Variants in ZHX3 observed in about 807,000 individuals in gnomAD.
The protein encoded by ZHX3 is zinc fingers and homeoboxes protein 3.
A neutral mutation model predicts 64.5 loss-of-function variants in ZHX3; 20 were observed. That is an observed-to-expected ratio of 0.31 (90% confidence interval 0.22 to 0.45). The LOEUF (loss-of-function observed/expected upper bound fraction) is 0.45. Among genes scored for constraint, ZHX3 ranks in the 20% least tolerant of loss-of-function variants. The pLI is 1.00. For missense variants in ZHX3, 1,041 were observed against 1,195.8 expected (o/e 0.87, Z 1.91); for synonymous variants, 423 against 461.6 (o/e 0.92, Z 1.07).
chr20:41,274,878 A>G (rs1223903657), intron 1 of ZHX3, among the ~76,000 whole-genome samples: 1 of 103,322 alleles, frequency 9.7e-6, no homozygotes, highest in Non-Finnish European at 1.8e-5. Context: ...AAACTGGGCC[A>G]GGTGCGGTGG....
rs760114664 is a variant in ZHX3, at chr20:41,203,751, G to A, written c.1166C>T (p.Thr389Met). 5 of 1,614,192 alleles carry A rather than the reference G, an allele frequency of 3.1e-6. No individual in the cohort carries two copies. Among genetic ancestry groups the A allele is most frequent in the Admixed American group, 1.7e-5 (1 of 60,016 alleles). The change falls in exon 3 of 4, where the codon ACG becomes ATG. Residue 389 changes from threonine (T) to methionine (M), a missense_variant. Physicochemically the swap from Thr to Met is moderately conservative, Grantham distance 81 (BLOSUM62 -1). Around this residue, in one of 4 missense-constraint regions of ZHX3, gnomAD observed 649 missense variants for 739.8 expected, o/e 0.88. Transcript: ENST00000683867. The surrounding 1 kb of genome is among the most constrained non-coding windows in gnomAD (Gnocchi z 7.1). ...VIQSVPQPTI[T>M]VLNTPLVASA... The stretch of plus-strand genomic sequence containing the variant: ...GGCGACGAGTGGGGTATTTAGAACC[G>A]TAATTGTGGGCTGAGGCACAGACTG...
chr20:41,222,062 G>T (rs1296313128), intron 2 of ZHX3, among the ~76,000 whole-genome samples: 1 of 152,240 alleles, frequency 6.6e-6, no homozygotes, highest in East Asian at 1.9e-4. Context: ...GGCTCTGCTG[G>T]CTATGTTGAG....
chr20:41,280,972 T>C (rs1018289620), intron 1 of ZHX3, among the ~76,000 whole-genome samples: 7 of 151,850 alleles, frequency 4.6e-5, no homozygotes, highest in Admixed American at 2.6e-4. Flanking sequence ...ATCTGAGCAT[T>C]AGGTTGAAAG....
intron 2 of ZHX3, among the ~76,000 whole-genome samples, chr20:41,258,656 GTTC>G (rs1193600760): frequency 1.3e-5 from 2 of 152,132 alleles, no homozygotes; most frequent in Non-Finnish European, 2.9e-5. Flanking sequence ...ATGATGTTGT[GTTC>G]TTAATACATC....
chr20:41,185,477 C>T lies in ZHX3; in HGVS notation c.2861-276G>A. 1.8e-6 allele frequency: 1 copy of T among 550,162 alleles called. No individual in the cohort carries two copies. The highest frequency in any genetic ancestry group is 3.2e-6 in the Non-Finnish European group (1 of 313,172). The allele number at this position is 550,162 out of a possible 1,614,324, so 34.1% of individuals were successfully genotyped here. On this transcript the variant is annotated intron_variant, in intron 3 of 3. Transcript: ENST00000683867. The surrounding 1 kb of genome is among the most constrained non-coding windows in gnomAD (Gnocchi z 5.0). ...AGCAGCAGGAGCAGTGGTTTGGCCT[C>T]TCCAGGCCCACTAAATCCCCCTAGC...
chr20:41,237,951 G>C (rs905175973), intron 2 of ZHX3, among the ~76,000 whole-genome samples: 2 of 152,132 alleles, frequency 1.3e-5, no homozygotes, highest in African/African-American at 4.8e-5. Context: ...ACAGTATCTG[G>C]TGTACATGTC....
intron 1 of ZHX3, among the ~76,000 whole-genome samples, chr20:41,294,225 T>A (rs1359900194): frequency 6.6e-6 from 1 of 152,214 alleles, no homozygotes; most frequent in East Asian, 1.9e-4. Flanking sequence ...TTTAGAATTA[T>A]GCTACATTCA....
intron 2 of ZHX3, among the ~76,000 whole-genome samples, chr20:41,223,309 G>C (rs1486141264): frequency 1.3e-5 from 2 of 152,162 alleles, no homozygotes; most frequent in Non-Finnish European, 2.9e-5. Context: ...TCTGCCTCTA[G>C]GAAGGCAGCC....
At position 41,208,870 on chromosome 20, in the gene ZHX3, T is replaced by G. The variant is rs561990633; in HGVS notation, c.-150-3804A>C. Reference sequence around the variant, plus strand: ...ATCAGGCAGGAGAAAGAAATAAAGGTTATTCGATTAGGAAAAGAGCAAGTC... The same window carrying G: ...ATCAGGCAGGAGAAAGAAATAAAGGGTATTCGATTAGGAAAAGAGCAAGTC... On this transcript the variant is annotated intron_variant, in intron 2 of 3. Transcript: ENST00000683867. Among the ~76,000 whole-genome samples, 47 of 152,134 alleles carry G rather than the reference T, an allele frequency of 3.1e-4. No individual in the cohort carries two copies. In the South Asian group the frequency reaches 9.1e-3, roughly 30 times the overall value.
intron 1 of ZHX3, among the ~76,000 whole-genome samples, chr20:41,280,117 G>A (rs2043599811): frequency 6.6e-6 from 1 of 152,152 alleles, no homozygotes; most frequent in Non-Finnish European, 1.5e-5. Context: ...GAAGGCAGCT[G>A]ACTGAATCCC....
intron 2 of ZHX3, among the ~76,000 whole-genome samples, chr20:41,218,581 A>C (rs2039711891): frequency 6.6e-6 from 1 of 152,244 alleles, no homozygotes; most frequent in South Asian, 2.1e-4. Context: ...GAACTCTTTT[A>C]ACATGAGGCT....
At chr20:41,246,170 G>A (rs1001494084) in intron 2 of ZHX3, among the ~76,000 whole-genome samples, 11 of 152,128 alleles carry the variant, frequency 7.2e-5, no homozygotes, top group African/African-American at 1.2e-4. Context: ...TCATTCATTC[G>A]TCCTGGGACT....
intron 1 of ZHX3, among the ~76,000 whole-genome samples, chr20:41,313,051 G>C (rs1214512196): frequency 6.6e-6 from 1 of 152,182 alleles, no homozygotes; most frequent in African/African-American, 2.4e-5. Context: ...TATTCTAGAG[G>C]CTAGGCCAAA....
chr20:41,220,662 G>GT lies in ZHX3; in HGVS notation c.-150-15597dup, dbSNP rs200361266. Among the ~76,000 whole-genome samples, 1,133 of 151,552 alleles carry GT rather than the reference G, an allele frequency of 7.5e-3. 11 individuals carry two copies. Among genetic ancestry groups the GT allele is most frequent in the East Asian group, 0.022 (114 of 5,154 alleles). ...GATATTTGACTTTCTATATGATACA[G>GT]TTTTTTTTGGTTTTTTTTGTTTTGT... On this transcript the variant is annotated intron_variant, in intron 2 of 3. Transcript: ENST00000683867.
In ZHX3 at chr20:41,202,370, G is replaced by T. The variant is rs201211691; in HGVS notation, c.2547C>A (p.Leu849=). The part of the protein sequence containing the change: ...LLVIAPGNRE[L]LQDYYMTHKM... The stretch of plus-strand genomic sequence containing the variant: ...TGTGTGTCATGTAATAGTCCTGCAG[G>T]AGCTCCCGGTTGCCAGGGGCAATGA... Residue 849 remains leucine (L), a synonymous_variant, in exon 3 of 4, where the codon CTC becomes CTA. Transcript: ENST00000683867. This position sits in a 1 kb window ranked among gnomAD's most constrained non-coding sequence, Gnocchi z 7.0. 6 of 1,614,196 alleles carry T rather than the reference G, an allele frequency of 3.7e-6. No individual in the cohort carries two copies. The highest frequency in any genetic ancestry group is 5.1e-6 in the Non-Finnish European group (6 of 1,180,034).
chr20:41,231,902 C>T (rs887656044), intron 2 of ZHX3, among the ~76,000 whole-genome samples: 3 of 152,086 alleles, frequency 2.0e-5, no homozygotes, highest in Admixed American at 1.3e-4. Context: ...TAAAGTATAT[C>T]ACAGTGAAAA....
intron 3 of ZHX3, among the ~76,000 whole-genome samples, chr20:41,196,378 A>ATT: frequency 1.4e-5 from 1 of 72,772 alleles, no homozygotes; most frequent in Non-Finnish European, 2.2e-5. Context: ...ATATTTATAT[A>ATT]ACATAAATAT....
intron 2 of ZHX3, among the ~76,000 whole-genome samples, chr20:41,233,436 AC>A (rs2040760331): frequency 6.6e-6 from 1 of 152,208 alleles, no homozygotes; most frequent in Non-Finnish European, 1.5e-5. Flanking sequence ...AAAGTTTGAG[AC>A]CCAATCAAGA....
chr20:41,285,637 T>G (rs1435020078), intron 1 of ZHX3, among the ~76,000 whole-genome samples: 1 of 152,194 alleles, frequency 6.6e-6, no homozygotes, highest in Non-Finnish European at 1.5e-5. Flanking sequence ...CAAAATAAAG[T>G]AATCAAAACT....
Sources: gnomAD v4.1 joint callset for allele counts (sites outside exome capture counted in the v4.1 genomes callset) on GRCh38, gnomAD v4.1.1 for gene constraint, gnomAD v4.1.1 regional missense constraint, Gnocchi (gnomAD v3.1) non-coding constraint, MANE v1.5 for transcripts, NCBI Gene and HGNC (gene_info 2026-07-23, HGNC 2026-07-21) for gene names.